Variants in FDFT1 observed in about 807,000 individuals in gnomAD.
The protein encoded by FDFT1 is squalene synthase.
Under a neutral mutation model 46.8 loss-of-function variants are expected in FDFT1, and 68 were observed. The ratio of observed to expected loss-of-function variants is 1.45; its 90% CI spans 1.19 to 1.78. FDFT1 has a LOEUF of 1.78. Among genes scored for constraint, FDFT1 ranks in the 40% most tolerant of loss-of-function variants. FDFT1 has a pLI of 0.00. For missense variants in FDFT1, 928 were observed against 524.4 expected, an observed-to-expected ratio of 1.77 and a Z score of -7.52; for synonymous variants, 351 against 185.1, an observed-to-expected ratio of 1.90 and a Z score of -7.28.
rs140084347 is a variant in FDFT1, at chr8:11,829,834, GT to G, written c.703-401del. Among the ~76,000 whole-genome samples the G allele has an allele frequency of 2.1e-4, 32 of 150,502 alleles. 1 individual carries two copies. Among genetic ancestry groups the G allele is most frequent in the African/African-American group, 6.7e-4 (27 of 40,564 alleles). On this transcript the variant is annotated intron_variant, in intron 5 of 7. Transcript: ENST00000220584. ...AAGAGACTTTACTGTATATCATAGT[GT>G]TTTTTTTTGTTTTGTTTTGTTTTTG...
intron 7 of FDFT1, among the ~76,000 whole-genome samples, chr8:11,832,576 A>AAAAAAAAAAT (rs139242873): frequency 1.5e-4 from 20 of 134,886 alleles, no homozygotes; most frequent in Non-Finnish European, 2.0e-4. Context: ...AAAAAAAAAA[A>AAAAAAAAAAT]GTCTTAGAGA....
rs1482426603 is a variant in FDFT1 at position 11,808,839 on chromosome 8, C to G, written c.145C>G (p.Gln49Glu). The change falls in exon 2 of 8, where the codon CAG becomes GAG. Residue 49 changes from glutamine to glutamate, a missense_variant. Physicochemically the swap from Gln to Glu is conservative, Grantham distance 29 (BLOSUM62 2). Coordinates refer to ENST00000220584, the MANE Select transcript of FDFT1 (RefSeq NM_004462.5). ...SLKTCYKYLN[Q>E]TSRSFAAVIQ... ...GAAAACTTGCTACAAGTATCTCAATCAGACCAGTCGCAGTTTCGCAGCTGT... is the reference window on the plus strand; with the variant it reads ...GAAAACTTGCTACAAGTATCTCAATGAGACCAGTCGCAGTTTCGCAGCTGT... 2 of 1,614,100 alleles carry G rather than the reference C, an allele frequency of 1.2e-6. No individual in the cohort carries two copies.
intron 3 of FDFT1, among the ~76,000 whole-genome samples, chr8:11,820,805 C>G (rs963660165): frequency 7.2e-5 from 11 of 152,216 alleles, no homozygotes; most frequent in African/African-American, 2.4e-5. Context: ...AGGGAAATCC[C>G]CTGACCCCTT....
At position 11,838,668 on chromosome 8, in the gene FDFT1, G is replaced by T; in HGVS notation, c.*59G>T. The stretch of plus-strand genomic sequence containing the variant: ...AAGTGGATTTACTTTTTTTCTTTAA[G>T]GATGGATGTTGTGTTCTCTTTATTT... On this transcript the variant is annotated 3_prime_UTR_variant, in exon 8 of 8. Coordinates refer to ENST00000220584, the MANE Select transcript of FDFT1 (RefSeq NM_004462.5). 5.5e-6 allele frequency: 7 copies of T among 1,282,446 alleles called. No individual in the cohort carries two copies. The highest frequency in any genetic ancestry group is 8.0e-6 in the Non-Finnish European group (7 of 879,498). 79.4% of individuals were successfully genotyped at this position (1,282,446 alleles called of 1,614,324 possible). A position where few individuals can be genotyped will look rare whatever the true frequency, so the allele number is the denominator to read the frequency against.
rs117432017 is a variant in FDFT1, at chr8:11,835,932, G to A, written c.1033-2456G>A. ...GCGGATCACTTGAGGTCAGGAGTGC[G>A]AAACCAGCCTGACTTATGTGATGAA... On this transcript the variant is annotated intron_variant, in intron 7 of 7. Coordinates refer to ENST00000220584, the MANE Select transcript of FDFT1 (RefSeq NM_004462.5). 1.0e-2 allele frequency among the ~76,000 whole-genome samples: 1,256 copies of A among 125,834 alleles called. 9 individuals carry two copies. Among genetic ancestry groups the A allele is most frequent in the Non-Finnish European group, 0.012 (764 of 63,420 alleles). 82.6% of individuals were successfully genotyped at this position (125,834 alleles called of 152,430 possible). A position where few individuals can be genotyped will look rare whatever the true frequency, so the allele number is the denominator to read the frequency against.
chr8:11,809,734 A>G lies in FDFT1; in HGVS notation c.265A>G (p.Ser89Gly), dbSNP rs1807436257. The G allele has an allele frequency of 1.9e-6, 3 of 1,613,978 alleles. No individual in the cohort carries two copies. The highest frequency in any genetic ancestry group is 1.7e-5 in the Admixed American group (1 of 59,998). ...CACACTGGAAGATGACATGACCATC[A>G]GTGTGGAAAAGAAGGTCCCGCTGTT... ...LDTLEDDMTI[S>G]VEKKVPLLHN... Residue 89 changes from serine to glycine, a missense_variant, in exon 3 of 8, where the codon AGT (serine) becomes GGT (glycine). Transcript: ENST00000220584.
At chr8:11,799,807 G>T (rs948358836), upstream of FDFT1, among the ~76,000 whole-genome samples, 1 of 152,054 alleles carries the variant, frequency 6.6e-6, no homozygotes, top group Admixed American at 6.5e-5. Context: ...TTAGCTGGCC[G>T]TGGTGGTACA....
upstream of FDFT1, chr8:11,801,848 C>G (rs936477923): frequency 7.2e-6 from 3 of 417,690 alleles, no homozygotes; most frequent in Admixed American, 8.3e-5. Flanking sequence ...CGCCCACCAC[C>G]ACACTCGGCT....
chr8:11,833,459 TGA>T (rs1811135677), intron 7 of FDFT1, among the ~76,000 whole-genome samples: 1 of 152,264 alleles, frequency 6.6e-6, no homozygotes, highest in African/African-American at 2.4e-5. Flanking sequence ...AGTAAGTAGT[TGA>T]GAGTGTTTTG....
Position 11,809,856 on chromosome 8 carries a change from T to A in FDFT1, c.381+6T>A, listed in dbSNP as rs1332937198. The A allele has an allele frequency of 6.2e-7, 1 of 1,608,830 alleles. No homozygotes were observed. On this transcript the variant is annotated splice_donor_region_variant and intron_variant, in intron 3 of 7. Transcript: ENST00000220584. ...TGCTGGAGGACTTCCCAACGGTGAG[T>A]GGGGTTACGCATCTTGTCTACGGAC...
chr8:11,836,477 C>G (rs1811550979), intron 7 of FDFT1, among the ~76,000 whole-genome samples: 1 of 152,244 alleles, frequency 6.6e-6, no homozygotes, highest in Non-Finnish European at 1.5e-5. Context: ...AGGGCCACCT[C>G]TCTGCTCCTC....
chr8:11,796,218 G>C (rs577427472), intron 1 of FDFT1, among the ~76,000 whole-genome samples: 98 of 152,334 alleles, frequency 6.4e-4, no homozygotes, highest in Non-Finnish European at 1.2e-3. Flanking sequence ...AAGTGTTTCT[G>C]TTAATGGAAA....
intron 3 of FDFT1, among the ~76,000 whole-genome samples, chr8:11,818,015 T>A (rs1255719473): frequency 6.6e-6 from 1 of 152,246 alleles, no homozygotes; most frequent in Non-Finnish European, 1.5e-5. Context: ...TAAATTTCCC[T>A]CTACACACTG....
At chr8:11,811,057 A>G (rs1439298016) in intron 3 of FDFT1, among the ~76,000 whole-genome samples, 1 of 152,166 alleles carries the variant, frequency 6.6e-6, no homozygotes, top group Admixed American at 6.5e-5. Flanking sequence ...ACATAATACA[A>G]ATGAGAAGAA....
intron 4 of FDFT1, among the ~76,000 whole-genome samples, chr8:11,822,773 G>A (rs1030313162): frequency 3.9e-5 from 6 of 152,166 alleles, no homozygotes; most frequent in African/African-American, 1.4e-4. Context: ...CCATGATTGT[G>A]CCACTGCACT....
chr8:11,804,090 G>C (rs936403288), intron 1 of FDFT1, among the ~76,000 whole-genome samples: 1 of 152,172 alleles, frequency 6.6e-6, no homozygotes, highest in Non-Finnish European at 1.5e-5. Context: ...GGTGCTGGAG[G>C]TACAACAGTG....
upstream of FDFT1, among the ~76,000 whole-genome samples, chr8:11,800,984 T>C (rs991008332): frequency 6.6e-6 from 1 of 152,112 alleles, no homozygotes; most frequent in African/African-American, 2.4e-5. Context: ...AATACATAAG[T>C]AAATGATGTA....
At position 11,826,127 on chromosome 8, in the gene FDFT1, A is replaced by C; in HGVS notation, c.614A>C (p.Asn205Thr). 1.2e-6 allele frequency: 2 copies of C among 1,608,726 alleles called. No homozygotes were observed. Among genetic ancestry groups the C allele is most frequent in the Non-Finnish European group, 1.7e-6 (2 of 1,176,132 alleles). Residue 205 changes from asparagine (N) to threonine (T), a missense_variant, in exon 5 of 8, where the codon AAC becomes ACC. Asn to Thr is a moderately conservative substitution (Grantham distance 65). Transcript: ENST00000220584. Reference protein sequence around the residue: ...PLVGEDTERANSMGLFLQKTN... With the variant: ...PLVGEDTERATSMGLFLQKTN... ...GTTGGTGAAGATACAGAACGTGCCA[A>C]CTCTATGGGCCTGTTTTTGCAGAAA...
At chr8:11,797,535 G>C (rs539722469), upstream of FDFT1, among the ~76,000 whole-genome samples, 1 of 6,844 alleles carries the variant, frequency 1.5e-4, no homozygotes, top group Admixed American at 3.4e-3. Flanking sequence ...TTAAAGAACA[G>C]ATAATCACAG....
Sources: gnomAD v4.1 joint callset for allele counts (sites outside exome capture counted in the v4.1 genomes callset) on GRCh38, gnomAD v4.1.1 for gene constraint, MANE v1.5 for transcripts, NCBI Gene and HGNC (gene_info 2026-07-23, HGNC 2026-07-21) for gene names.